Variants in LRRN3 observed in about 807,000 individuals in gnomAD.
LRRN3 encodes the protein leucine-rich repeat neuronal protein 3.
A neutral mutation model predicts 40.1 loss-of-function variants in LRRN3; 15 were observed. The ratio of observed to expected loss-of-function variants is 0.37; its 90% confidence interval spans 0.25 to 0.58. The LOEUF (loss-of-function observed/expected upper bound fraction) is 0.58, where lower values mean the gene tolerates loss of function less well. LRRN3 is among the 20% of genes least tolerant of loss of function. The probability of loss-of-function intolerance (pLI) is 0.72; values close to 1 mark genes in which losing one functional copy is unlikely to be tolerated. For synonymous variants in LRRN3, 308 were observed against 297.2 expected (o/e 1.04, Z -0.37); for missense variants, 746 against 837.7 (o/e 0.89, Z 1.35).
chr7:111,096,881 T>C (rs1241628459), intron 1 of LRRN3: 1 of 151,926 alleles, frequency 6.6e-6, no homozygotes, highest in African/African-American at 2.4e-5. Context: ...ACTACTAAAG[T>C]CAAAATGCCA....
rs760377175 is a variant in LRRN3 at position 111,091,883 on chromosome 7, CAGAG to C, written c.-441+382_-441+385del. ...GGGAAGAGAGAAGACAGAGAGGAGA[CAGAG>C]AGGAGAGGAGAGTCACGGGTGATGG... On this transcript the variant is annotated intron_variant, in intron 1 of 2. Transcript: ENST00000308478. Among the ~76,000 whole-genome samples, 14 of 151,912 alleles carry C rather than the reference CAGAG, an allele frequency of 9.2e-5. No homozygotes were observed. In the South Asian group the frequency reaches 2.1e-3, roughly 23 times the overall value.
Position 111,124,967 on chromosome 7 carries a change from A to AAAAAC in LRRN3, c.*82_*86dup, listed in dbSNP as rs1313570331. On this transcript the variant is annotated 3_prime_UTR_variant, in exon 3 of 3. Transcript: ENST00000308478. ...AAAAGCGAAAGACTGCAGTTGTGCT[A>AAAAAC]AAAACAAAACAAAACAAACAAACAA... The AAAAAC allele has an allele frequency of 3.2e-5, 36 of 1,126,190 alleles. 1 individual carries two copies. Among genetic ancestry groups the AAAAAC allele is most frequent in the Non-Finnish European group, 3.1e-5 (25 of 796,380 alleles). 69.8% of individuals were successfully genotyped at this position (1,126,190 alleles called of 1,614,324 possible).
At chr7:111,102,177 T>G (rs1282674460) in intron 2 of LRRN3, among the ~76,000 whole-genome samples, 1 of 151,574 alleles carries the variant, frequency 6.6e-6, no homozygotes, top group Non-Finnish European at 1.5e-5. Context: ...CTTACAGACA[T>G]AATTAGAACC....
At chr7:111,097,377 T>C (rs1285585052) in intron 1 of LRRN3, 1 of 151,930 alleles carries the variant, frequency 6.6e-6, no homozygotes, top group Non-Finnish European at 1.5e-5. Flanking sequence ...GACTTCGTTT[T>C]CACTGTGATA....
At chr7:111,095,879 A>ATCCCTC (rs961877980) in intron 1 of LRRN3, among the ~76,000 whole-genome samples, 3 of 151,856 alleles carry the variant, frequency 2.0e-5, no homozygotes, top group African/African-American at 7.3e-5. Context: ...CAGGACAGCA[A>ATCCCTC]TCCCTCTCCC....
intron 2 of LRRN3, 52 bp from the exon 3 acceptor site, chr7:111,122,363 G>C (rs1003804996): frequency 6.4e-6 from 1 of 156,210 alleles, no homozygotes; most frequent in Non-Finnish European, 1.4e-5. Flanking sequence ...TTTTTCATTT[G>C]TACTAATTAT....
intron 2 of LRRN3, among the ~76,000 whole-genome samples, chr7:111,106,802 A>G (rs1162642218): frequency 1.3e-5 from 2 of 151,238 alleles, no homozygotes; most frequent in Non-Finnish European, 3.0e-5. Flanking sequence ...ACCAAAAAAA[A>G]TGGAATCAAC....
chr7:111,118,419 T>C (rs1460444788), intron 2 of LRRN3, among the ~76,000 whole-genome samples: 4 of 152,092 alleles, frequency 2.6e-5, no homozygotes, highest in African/African-American at 9.7e-5. Flanking sequence ...TCTCAAATTA[T>C]AAGTGTCCAC....
intron 2 of LRRN3, among the ~76,000 whole-genome samples, chr7:111,121,879 C>T (rs947590209): frequency 2.0e-5 from 3 of 152,074 alleles, no homozygotes; most frequent in Non-Finnish European, 4.4e-5. Flanking sequence ...AAATATACAC[C>T]ATGGAATACT....
rs1798988716 is a variant in LRRN3 at position 111,109,853 on chromosome 7, G to C, written c.-359+9891G>C. The stretch of plus-strand genomic sequence containing the variant: ...GAAAGGGCCCTTAAAAAGTCTTCAG[G>C]GGCTGGGCGCGGTGGCTCATGCCTG... On this transcript the variant is annotated intron_variant, in intron 2 of 2. Transcript: ENST00000308478. Among the ~76,000 whole-genome samples the C allele has an allele frequency of 2.0e-5, 3 of 152,252 alleles. No individual in the cohort carries two copies. In the South Asian group the frequency reaches 6.2e-4, roughly 32 times the overall value.
rs1472726112 is a variant in LRRN3, at chr7:111,091,258, C to G, written c.-687C>G. On this transcript the variant is annotated 5_prime_UTR_variant, in exon 1 of 3. Transcript: ENST00000308478. The stretch of plus-strand genomic sequence containing the variant: ...AGCCTGCCGACTGAGAAAAAGAGTT[C>G]CAGGAAAAAGAAGGAATCCCGGCTG... The G allele has an allele frequency of 6.6e-6, 1 of 152,156 alleles. No individual in the cohort carries two copies. Among genetic ancestry groups the G allele is most frequent in the Non-Finnish European group, 1.5e-5 (1 of 68,052 alleles). The allele number at this position is 152,156 out of a possible 1,614,324, so 9.4% of individuals were successfully genotyped here.
intron 2 of LRRN3, among the ~76,000 whole-genome samples, chr7:111,112,384 T>A (rs1412601316): frequency 6.6e-6 from 1 of 152,212 alleles, no homozygotes; most frequent in Non-Finnish European, 1.5e-5. Context: ...CACTTCGTAC[T>A]TCAGAGTGCC....
chr7:111,103,726 G>C (rs559997675), intron 2 of LRRN3, among the ~76,000 whole-genome samples: 2 of 151,540 alleles, frequency 1.3e-5, no homozygotes, highest in South Asian at 2.1e-4. Context: ...TGTATGTGTC[G>C]GGTGCAGAAG....
rs1390225219 is a variant in LRRN3 at position 111,123,291 on chromosome 7, A to G, written c.519A>G (p.Ser173=). 1 of 1,613,720 alleles carries G rather than the reference A, an allele frequency of 6.2e-7. No individual in the cohort carries two copies. The highest frequency in any genetic ancestry group is 1.7e-5 in the Admixed American group (1 of 59,928). The change falls in exon 3 of 3, where the codon TCA becomes TCG. Residue 173 remains serine, a synonymous_variant. Transcript: ENST00000308478. The surrounding 1 kb of genome is among the most constrained non-coding windows in gnomAD (Gnocchi z 6.4). ...LHNLLRLHLN[S]NRLQMINSKW... is the part of the protein sequence containing the mutation. ...ATCTTCTTCGACTTCATCTCAATTC[A>G]AATAGATTGCAGATGATCAACAGTA...
rs752737591 is a variant in LRRN3, at chr7:111,124,502, T to C, written c.1730T>C (p.Val577Ala). Residue 577 changes from valine to alanine, a missense_variant, in exon 3 of 3, where the codon GTA becomes GCA. Val to Ala is a moderately conservative substitution (Grantham distance 64, BLOSUM62 0). Coordinates refer to ENST00000308478, the MANE Select transcript of LRRN3 (RefSeq NM_001099658.2). ...GCTCGAATACCATCTGATGTCAAGG[T>C]ATATAATCTTACTCATCTGAATCCA... is the stretch of plus-strand genomic sequence containing the variant. ...QSARIPSDVK[V>A]YNLTHLNPST... 1 of 1,613,894 alleles carries C rather than the reference T, an allele frequency of 6.2e-7. No homozygotes were observed. Among genetic ancestry groups the C allele is most frequent in the South Asian group, 1.1e-5 (1 of 91,080 alleles).
At chr7:111,110,903 C>T (rs1346753978) in intron 2 of LRRN3, among the ~76,000 whole-genome samples, 1 of 152,128 alleles carries the variant, frequency 6.6e-6, no homozygotes, top group Non-Finnish European at 1.5e-5. Context: ...AATTTCTTCT[C>T]CTAACTCAGA....
At chr7:111,106,112 T>C (rs1798522512) in intron 2 of LRRN3, among the ~76,000 whole-genome samples, 2 of 151,954 alleles carry the variant, frequency 1.3e-5, no homozygotes, top group South Asian at 2.1e-4. Context: ...TTAGAACATA[T>C]AATACCAACA....
At chr7:111,112,279 T>C (rs1402535412) in intron 2 of LRRN3, among the ~76,000 whole-genome samples, 1 of 152,072 alleles carries the variant, frequency 6.6e-6, no homozygotes, top group Non-Finnish European at 1.5e-5. Flanking sequence ...AATGAAAAAC[T>C]TTAACCTGCA....
intron 2 of LRRN3, among the ~76,000 whole-genome samples, chr7:111,120,799 C>T (rs1372709288): frequency 6.6e-6 from 1 of 152,082 alleles, no homozygotes; most frequent in Non-Finnish European, 1.5e-5. Flanking sequence ...ACCACTACAT[C>T]TAGCTTACTT....
Sources: allele counts gnomAD v4.1 joint callset (sites outside exome capture counted in the v4.1 genomes callset), GRCh38; gene constraint gnomAD v4.1.1; non-coding constraint Gnocchi (gnomAD v3.1); transcripts MANE v1.5; gene names NCBI Gene and HGNC (gene_info 2026-07-23, HGNC 2026-07-21).